ITPR1: variants seen among roughly 807,000 people sequenced by gnomAD.
ITPR1 encodes inositol 1,4,5-trisphosphate-gated calcium channel ITPR1.
ITPR1 carries 96 observed loss-of-function variants against 318.4 expected under a neutral mutation model. The observed-to-expected ratio is 0.30, with a 90% confidence interval of 0.26 to 0.36. The LOEUF (loss-of-function observed/expected upper bound fraction) is 0.36, where lower values mean the gene tolerates loss of function less well. Ranked by LOEUF, ITPR1 falls within the 10% of genes least tolerant of loss-of-function variation. The probability of loss-of-function intolerance (pLI) is 1.00; values close to 1 mark genes in which losing one functional copy is unlikely to be tolerated. For missense variants in ITPR1, 2,440 were observed against 3,460.2 expected, an observed-to-expected ratio of 0.71 and a Z score of 7.40; for synonymous variants, 1,312 against 1,289.9, an observed-to-expected ratio of 1.02 and a Z score of -0.37.
intron 39 of ITPR1, among the ~76,000 whole-genome samples, chr3:4,714,279 T>A (rs551597253): frequency 6.6e-6 from 1 of 152,146 alleles, no homozygotes; most frequent in Non-Finnish European, 1.5e-5. Flanking sequence ...GAGGTGTTCT[T>A]TGGCCTGGGT....
At chr3:4,577,223 T>G (rs767531070) in intron 4 of ITPR1, among the ~76,000 whole-genome samples, 1 of 152,226 alleles carries the variant, frequency 6.6e-6, no homozygotes, top group Non-Finnish European at 1.5e-5. Flanking sequence ...CACGGCTCTC[T>G]GTGCAGCTGC....
chr3:4,712,739 T>C (rs572513238), intron 39 of ITPR1, among the ~76,000 whole-genome samples: 18 of 152,358 alleles, frequency 1.2e-4, no homozygotes, highest in African/African-American at 4.3e-4. Flanking sequence ...TGCAGGAATG[T>C]TGCTTTCTAA....
intron 13 of ITPR1, among the ~76,000 whole-genome samples, chr3:4,660,117 A>C (rs1439805088): frequency 6.6e-6 from 1 of 152,196 alleles, no homozygotes; most frequent in Non-Finnish European, 1.5e-5. Context: ...CCAACCATAC[A>C]TAGGACTTAC....
Position 4,667,464 on chromosome 3 carries a change from A to G in ITPR1, c.1801A>G (p.Asn601Asp). The change falls in exon 18 of 62, where the codon AAT becomes GAT. Residue 601 changes from asparagine (N) to aspartate (D), a missense_variant. Physicochemically the swap from Asn to Asp is conservative, Grantham distance 23 (BLOSUM62 1). Transcript: ENST00000649015. ...AGACACTATCACTGCCCTGCTCCAC[A>G]ATAATCGGAAACTCCTGGAAAAACA... ...AEDTITALLH[N>D]NRKLLEKHIT... The G allele has an allele frequency of 6.2e-7, 1 of 1,613,860 alleles. No individual in the cohort carries two copies.
intron 56 of ITPR1, among the ~76,000 whole-genome samples, chr3:4,811,894 C>T (rs1186837730): frequency 1.3e-5 from 2 of 152,094 alleles, no homozygotes; most frequent in Non-Finnish European, 2.9e-5. Flanking sequence ...TGTAAATGTT[C>T]GGGGGTGTTT....
At chr3:4,598,187 ATCC>A (rs1436059585) in intron 4 of ITPR1, among the ~76,000 whole-genome samples, 1 of 152,148 alleles carries the variant, frequency 6.6e-6, no homozygotes, top group Non-Finnish European at 1.5e-5. Flanking sequence ...AAGGAAGCAA[ATCC>A]TCCTCTGTGA....
At chr3:4,634,245 A>G (rs1292787299) in intron 5 of ITPR1, among the ~76,000 whole-genome samples, 1 of 151,638 alleles carries the variant, frequency 6.6e-6, no homozygotes, top group Non-Finnish European at 1.5e-5. Flanking sequence ...CAGTCTCACC[A>G]CTCTATCACC....
chr3:4,788,499 C>T (rs1043542036), intron 52 of ITPR1, among the ~76,000 whole-genome samples: 1 of 152,214 alleles, frequency 6.6e-6, no homozygotes, highest in Non-Finnish European at 1.5e-5. Context: ...AGGAAATTCA[C>T]ACTGCTTGCT....
At chr3:4,581,132 A>G (rs1269810756) in intron 4 of ITPR1, among the ~76,000 whole-genome samples, 16 of 152,166 alleles carry the variant, frequency 1.1e-4, no homozygotes, top group Admixed American at 9.8e-4. Flanking sequence ...AATTCCCCCA[A>G]GGATCATTTA....
chr3:4,668,201 A>T (rs1392924159), intron 18 of ITPR1, among the ~76,000 whole-genome samples: 1 of 147,348 alleles, frequency 6.8e-6, no homozygotes, highest in African/African-American at 2.5e-5. Context: ...AGTAGGTCTT[A>T]TTCGTTCTTT....
chr3:4,661,172 A>G (rs967035627), intron 14 of ITPR1, 85 bp downstream of exon 14: 8 of 741,402 alleles, frequency 1.1e-5, no homozygotes, highest in Non-Finnish European at 1.8e-5. Flanking sequence ...GGGAGTATGG[A>G]GCGTGGAGAT....
At chr3:4,723,952 C>T (rs780951044) in intron 40 of ITPR1, among the ~76,000 whole-genome samples, 3 of 152,146 alleles carry the variant, frequency 2.0e-5, no homozygotes, top group Non-Finnish European at 4.4e-5. Flanking sequence ...AATGTTTACA[C>T]AGTTTTAATT....
intron 4 of ITPR1, among the ~76,000 whole-genome samples, chr3:4,621,654 C>G (rs1378834966): frequency 6.6e-6 from 1 of 152,218 alleles, no homozygotes; most frequent in Admixed American, 6.5e-5. Flanking sequence ...CTTCCCATGG[C>G]CTGCACTGCC....
intron 2 of ITPR1, among the ~76,000 whole-genome samples, chr3:4,514,514 C>G (rs1468035418): frequency 6.6e-6 from 1 of 152,102 alleles, no homozygotes; most frequent in East Asian, 1.9e-4. Context: ...GGTGATGGTT[C>G]ACAAAACAGC....
At chr3:4,799,808 T>A (rs1362217503) in intron 53 of ITPR1, 1 of 152,306 alleles carries the variant, frequency 6.6e-6, no homozygotes, top group Admixed American at 6.5e-5. Context: ...TGTAGCATGA[T>A]GCTCATGACA....
In ITPR1 at chr3:4,710,939, C is replaced by T. The variant is rs569838074; in HGVS notation, c.4991+466C>T. 1.1e-4 allele frequency among the ~76,000 whole-genome samples: 16 copies of T among 152,282 alleles called. No homozygotes were observed. The South Asian group carries it at 2.3e-3, about 22-fold the overall frequency. On this transcript the variant is annotated intron_variant, in intron 38 of 61. Transcript: ENST00000649015. The surrounding 1 kb of genome is among the most constrained non-coding windows in gnomAD (Gnocchi z 4.2). ...TAGATTTTTGCCCCAAGGCCGGACA[C>T]GGTGGCTCATGCCTGTAATCCCAGC...
chr3:4,600,092 C>T (rs945711947), intron 4 of ITPR1, among the ~76,000 whole-genome samples: 4 of 152,144 alleles, frequency 2.6e-5, no homozygotes, highest in African/African-American at 7.2e-5. Context: ...CTCTTTTGCC[C>T]GAGCTCTTTC....
rs1361973485 is a variant in ITPR1 at position 4,697,167 on chromosome 3, C to G, written c.4302C>G (p.Asn1434Lys). 6.2e-6 allele frequency: 10 copies of G among 1,609,806 alleles called. No homozygotes were observed. The highest frequency in any genetic ancestry group is 2.7e-5 in the African/African-American group (2 of 74,860). Reference protein sequence around the residue: ...CIPEVKIAYINFLNHCYVDTE... With the variant: ...CIPEVKIAYIKFLNHCYVDTE... ...TGCAGGTTAAAATTGCATACATTAA[C>G]TTCCTGAATCACTGCTATGTGGATA... The change falls in exon 34 of 62, where the codon AAC (asparagine) becomes AAG (lysine). Residue 1434 changes from asparagine to lysine, a missense_variant. Physicochemically the swap from Asn to Lys is moderately conservative, Grantham distance 94. This residue lies in a region of ITPR1 where 222 missense variants were observed against 318.8 expected (regional missense o/e 0.70). Transcript: ENST00000649015.
intron 60 of ITPR1, chr3:4,831,106 GTCTCTCTCTCTC>G (rs147851903): frequency 1.0e-5 from 4 of 395,712 alleles, no homozygotes; most frequent in Non-Finnish European, 2.0e-5. Flanking sequence ...GTCTGTCTTT[GTCTCTCTCTCTC>G]TCTCTCTCTC....
Sources: gnomAD v4.1 joint callset for allele counts (sites outside exome capture counted in the v4.1 genomes callset) on GRCh38, gnomAD v4.1.1 for gene constraint, gnomAD v4.1.1 regional missense constraint, Gnocchi (gnomAD v3.1) non-coding constraint, MANE v1.5 for transcripts, NCBI Gene and HGNC (gene_info 2026-07-23, HGNC 2026-07-21) for gene names.